SEMA3E: variants seen among roughly 807,000 people sequenced by gnomAD.
SEMA3E encodes the protein semaphorin 3E.
SEMA3E carries 49 observed loss-of-function variants against 93.6 expected under a neutral mutation model. That is an observed-to-expected ratio of 0.52 (90% CI 0.42 to 0.66). The LOEUF (loss-of-function observed/expected upper bound fraction) is 0.66, where lower values mean the gene tolerates loss of function less well. SEMA3E is among the 30% of genes least tolerant of loss of function. SEMA3E has a pLI of 0.00. For synonymous variants in SEMA3E, 363 were observed against 330.7 expected (o/e 1.10, Z -1.06); for missense variants, 906 against 964.8 (o/e 0.94, Z 0.81).
intron 1 of SEMA3E, among the ~76,000 whole-genome samples, chr7:83,585,577 C>T (rs215304): frequency 0.52 from 79,785 of 152,058 alleles, 21,487 homozygotes; most frequent in Middle Eastern, 0.68. Context: ...ACACCATAGA[C>T]TGCTAAATGG....
At chr7:83,494,366 T>C (rs1790446206) in intron 1 of SEMA3E, among the ~76,000 whole-genome samples, 1 of 151,784 alleles carries the variant, frequency 6.6e-6, no homozygotes, top group Admixed American at 6.6e-5. Context: ...AAGGTTTTAA[T>C]AGGTATACCG....
chr7:83,577,094 C>T (rs1792420705), intron 1 of SEMA3E, among the ~76,000 whole-genome samples: 2 of 152,110 alleles, frequency 1.3e-5, no homozygotes, highest in Non-Finnish European at 2.9e-5. Flanking sequence ...TCCACCTAAT[C>T]ACTATTCAAA....
chr7:83,527,159 A>C (rs1009117936), intron 1 of SEMA3E, among the ~76,000 whole-genome samples: 4 of 151,110 alleles, frequency 2.6e-5, no homozygotes, highest in African/African-American at 9.7e-5. Context: ...CAGGACTGGC[A>C]GCAACCACCA....
chr7:83,460,046 A>G (rs1447680131), intron 4 of SEMA3E, among the ~76,000 whole-genome samples: 1 of 152,094 alleles, frequency 6.6e-6, no homozygotes, highest in African/African-American at 2.4e-5. Context: ...GCCCGCCTGC[A>G]CCCAGGTGAA....
intron 5 of SEMA3E, among the ~76,000 whole-genome samples, chr7:83,417,823 A>T (rs116367574): frequency 0.015 from 2,238 of 152,262 alleles, 56 homozygotes; most frequent in African/African-American, 0.05. Flanking sequence ...CTCCAGATCC[A>T]ACTTTATCAA....
intron 14 of SEMA3E, among the ~76,000 whole-genome samples, chr7:83,390,054 C>CACATATATACGCGTAT (rs1787977993): frequency 1.6e-3 from 45 of 27,900 alleles, no homozygotes; most frequent in South Asian, 3.5e-3. Flanking sequence ...TGCGCGTATA[C>CACATATATACGCGTAT]GTGTGCACAT....
intron 1 of SEMA3E, among the ~76,000 whole-genome samples, chr7:83,633,377 G>A (rs180986043): frequency 6.6e-6 from 1 of 152,234 alleles, no homozygotes; most frequent in Non-Finnish European, 1.5e-5. Flanking sequence ...GAAAGGTTAA[G>A]TAACATGTCC....
chr7:83,574,286 A>T (rs923892876), intron 1 of SEMA3E, among the ~76,000 whole-genome samples: 2 of 152,168 alleles, frequency 1.3e-5, no homozygotes, highest in Non-Finnish European at 2.9e-5. Flanking sequence ...TTTGGAAAAT[A>T]TTGAATTTGA....
At chr7:83,551,170 T>C (rs992626731) in intron 1 of SEMA3E, among the ~76,000 whole-genome samples, 16 of 152,064 alleles carry the variant, frequency 1.1e-4, no homozygotes, top group African/African-American at 3.9e-4. Flanking sequence ...CACTTCTAAG[T>C]ATACACACTA....
rs1354399828 is a variant in SEMA3E at position 83,396,065 on chromosome 7, GTGTGTA to G, written c.1458+567_1458+572del. ...GATGTGTGTGTGTGTGTGTGTGTGT[GTGTGTA>G]TAAGTGCATATGTGCATTTATATAT... On this transcript the variant is annotated intron_variant, in intron 12 of 16. Transcript: ENST00000643230. Among the ~76,000 whole-genome samples the G allele has an allele frequency of 2.1e-5, 3 of 141,308 alleles. No individual in the cohort carries two copies. The Admixed American group carries it at 2.2e-4, about 10-fold the overall frequency. 92.7% of individuals were successfully genotyped at this position (141,308 alleles called of 152,430 possible). A position where few individuals can be genotyped will look rare whatever the true frequency, so the allele number is the denominator to read the frequency against.
chr7:83,538,543 A>G (rs1333511522), intron 1 of SEMA3E, among the ~76,000 whole-genome samples: 2 of 152,174 alleles, frequency 1.3e-5, no homozygotes, highest in East Asian at 3.9e-4. Context: ...AACCTCCAGT[A>G]GGCATATGCA....
chr7:83,642,471 G>T (rs917941017), intron 1 of SEMA3E, among the ~76,000 whole-genome samples: 10 of 152,010 alleles, frequency 6.6e-5, no homozygotes, highest in Non-Finnish European at 1.3e-4. Context: ...TGCAACACTT[G>T]GTGTAAATGT....
rs1793591111 is a variant in SEMA3E, at chr7:83,622,755, T to C, written c.115+25673A>G. On this transcript the variant is annotated intron_variant, in intron 1 of 16. Transcript: ENST00000643230. ...ACAGAAAACCAAGCACAGCGTGTTC[T>C]CACTTATAAGTGGGAACTGAAAGAT... 2.0e-5 allele frequency among the ~76,000 whole-genome samples: 3 copies of C among 152,212 alleles called. No homozygotes were observed. The South Asian group carries it at 6.2e-4, about 31-fold the overall frequency.
chr7:83,410,235 ATG>A (rs1788411796), intron 5 of SEMA3E, among the ~76,000 whole-genome samples: 1 of 151,976 alleles, frequency 6.6e-6, no homozygotes, highest in Non-Finnish European at 1.5e-5. Flanking sequence ...GAAAAAGTAA[ATG>A]TGTCAGAGTG....
At chr7:83,577,475 A>G (rs969581835) in intron 1 of SEMA3E, among the ~76,000 whole-genome samples, 5 of 152,212 alleles carry the variant, frequency 3.3e-5, no homozygotes, top group African/African-American at 1.2e-4. Flanking sequence ...CATAAAAGTC[A>G]CAAAAGTCTT....
chr7:83,598,790 T>C (rs1792926952), intron 1 of SEMA3E, among the ~76,000 whole-genome samples: 1 of 152,222 alleles, frequency 6.6e-6, no homozygotes. Flanking sequence ...ATCATTTGTA[T>C]ATGTCTTTGT....
At chr7:83,419,803 G>C (rs1264867432) in intron 4 of SEMA3E, among the ~76,000 whole-genome samples, 1 of 149,602 alleles carries the variant, frequency 6.7e-6, no homozygotes, top group Non-Finnish European at 1.5e-5. Context: ...CAACAAACTA[G>C]GCATTGAAGG....
intron 1 of SEMA3E, among the ~76,000 whole-genome samples, chr7:83,607,769 A>G (rs1174331232): frequency 1.9e-4 from 29 of 152,176 alleles, no homozygotes; most frequent in Admixed American, 1.9e-3. Flanking sequence ...ATAAAGGCAG[A>G]GAGCCTTTTT....
chr7:83,527,353 C>T (rs1791182811), intron 1 of SEMA3E, among the ~76,000 whole-genome samples: 1 of 152,206 alleles, frequency 6.6e-6, no homozygotes, highest in Non-Finnish European at 1.5e-5. Context: ...ACTAATACAA[C>T]CACCAGTGAT....
Sources: gnomAD v4.1 joint callset for allele counts (sites outside exome capture counted in the v4.1 genomes callset) on GRCh38, gnomAD v4.1.1 for gene constraint, MANE v1.5 for transcripts, NCBI Gene and HGNC (gene_info 2026-07-23, HGNC 2026-07-21) for gene names.